Variants in SEMA6D observed in about 807,000 individuals in gnomAD.
The protein encoded by SEMA6D is semaphorin 6D.
SEMA6D carries 35 observed loss-of-function variants against 106.6 expected under a neutral mutation model. That is an observed-to-expected ratio of 0.33 (90% CI 0.25 to 0.44). The LOEUF (loss-of-function observed/expected upper bound fraction) is 0.44, where lower values mean the gene tolerates loss of function less well. Ranked by LOEUF, SEMA6D falls within the 20% of genes least tolerant of loss-of-function variation. The pLI is 1.00. For missense variants in SEMA6D, 1,185 were observed against 1,345.9 expected, an observed-to-expected ratio of 0.88 and a Z score of 1.87; for synonymous variants, 499 against 487.7, an observed-to-expected ratio of 1.02 and a Z score of -0.31.
At chr15:47,720,261 C>CTTTTTTT (rs869122623) in intron 1 of SEMA6D, among the ~76,000 whole-genome samples, 1 of 97,162 alleles carries the variant, frequency 1.0e-5, no homozygotes, top group Admixed American at 1.2e-4. Flanking sequence ...AATAACCTTT[C>CTTTTTTT]TTTTTTTTTT....
intron 1 of SEMA6D, among the ~76,000 whole-genome samples, chr15:47,747,006 C>T (rs1303070650): frequency 9.2e-5 from 6 of 65,022 alleles, no homozygotes; most frequent in South Asian, 6.0e-4. Context: ...ATATATATTT[C>T]GATTGTAGAA....
intron 3 of SEMA6D, among the ~76,000 whole-genome samples, chr15:47,491,352 A>G (rs180891979): frequency 8.3e-4 from 127 of 152,312 alleles, no homozygotes; most frequent in Admixed American, 2.6e-3. Context: ...ATTACAGACA[A>G]TGCAGATGAC....
intron 1 of SEMA6D, among the ~76,000 whole-genome samples, chr15:47,398,925 C>A (rs893805260): frequency 6.6e-6 from 1 of 152,138 alleles, no homozygotes; most frequent in Admixed American, 6.5e-5. Context: ...AGCGGCATAA[C>A]CTTGGTCAAG....
At chr15:47,533,280 A>G (rs2045037654) in intron 3 of SEMA6D, among the ~76,000 whole-genome samples, 1 of 152,238 alleles carries the variant, frequency 6.6e-6, no homozygotes, top group Non-Finnish European at 1.5e-5. Context: ...GTGTAAACCA[A>G]TAAACCCAAC....
At chr15:47,356,390 A>G (rs964886506) in intron 1 of SEMA6D, among the ~76,000 whole-genome samples, 1 of 152,216 alleles carries the variant, frequency 6.6e-6, no homozygotes, top group South Asian at 2.1e-4. Flanking sequence ...AAACATGAGA[A>G]GTGCCCCACA....
At chr15:47,323,342 G>A (rs1330024094) in intron 1 of SEMA6D, among the ~76,000 whole-genome samples, 1 of 152,154 alleles carries the variant, frequency 6.6e-6, no homozygotes, top group Non-Finnish European at 1.5e-5. Context: ...GTGAACACCG[G>A]AGAATGAGTA....
chr15:47,608,764 A>G (rs529255096), intron 4 of SEMA6D, among the ~76,000 whole-genome samples: 1 of 152,320 alleles, frequency 6.6e-6, no homozygotes, highest in South Asian at 2.1e-4. Flanking sequence ...AAGTATATGT[A>G]TTTAAATCAT....
intron 4 of SEMA6D, among the ~76,000 whole-genome samples, chr15:47,613,284 T>A (rs2076946724): frequency 6.6e-6 from 1 of 152,230 alleles, no homozygotes; most frequent in African/African-American, 2.4e-5. Flanking sequence ...AGGTTACATT[T>A]TAAGTTTCCA....
rs563194175 is a variant in SEMA6D at position 47,255,910 on chromosome 15, A to G, written c.-239+71492A>G. Among the ~76,000 whole-genome samples the G allele has an allele frequency of 7.9e-5, 12 of 152,292 alleles. No homozygotes were observed. The South Asian group carries it at 2.1e-3, about 26-fold the overall frequency. On this transcript the variant is annotated intron_variant, in intron 1 of 19. Transcript: ENST00000558014. ...GAGGTTCAAAATGAACCTGTTACCA[A>G]TGGATATCCAGTTGCTCCAGCAGCC... is the stretch of plus-strand genomic sequence containing the variant.
intron 1 of SEMA6D, among the ~76,000 whole-genome samples, chr15:47,294,643 G>C (rs2089652297): frequency 6.6e-6 from 1 of 152,152 alleles, no homozygotes; most frequent in Non-Finnish European, 1.5e-5. Context: ...ATAATGAAAT[G>C]ATTCTGTCTT....
intron 1 of SEMA6D, among the ~76,000 whole-genome samples, chr15:47,237,116 A>G (rs541662549): frequency 6.6e-6 from 1 of 152,302 alleles, no homozygotes; most frequent in South Asian, 2.1e-4. Context: ...TAGCACACCA[A>G]TAGGAATAAG....
chr15:47,721,194 G>A (rs2079403161), intron 1 of SEMA6D, among the ~76,000 whole-genome samples: 1 of 152,190 alleles, frequency 6.6e-6, no homozygotes, highest in Admixed American at 6.5e-5. Flanking sequence ...CTTTTGACAA[G>A]AAATGTAGAT....
intron 3 of SEMA6D, among the ~76,000 whole-genome samples, chr15:47,514,280 G>C (rs2044320405): frequency 6.6e-6 from 1 of 152,158 alleles, no homozygotes; most frequent in Admixed American, 6.5e-5. Context: ...GCCACGATTG[G>C]TCTATTCTTT....
chr15:47,380,634 T>C (rs776100619), intron 1 of SEMA6D: 1 of 152,184 alleles, frequency 6.6e-6, no homozygotes, highest in Non-Finnish European at 1.5e-5. Context: ...TTTAGGAACA[T>C]ACACAAGCGA....
intron 1 of SEMA6D, among the ~76,000 whole-genome samples, chr15:47,192,993 A>G (rs751264900): frequency 7.2e-5 from 11 of 152,210 alleles, no homozygotes; most frequent in Non-Finnish European, 1.3e-4. Context: ...CTCCACTGCT[A>G]TCCTTCTGGT....
At chr15:47,635,077 G>A (rs1459955134) in intron 4 of SEMA6D, among the ~76,000 whole-genome samples, 1 of 152,120 alleles carries the variant, frequency 6.6e-6, no homozygotes. Context: ...GAAATAATCA[G>A]GAAACCAGAG....
intron 3 of SEMA6D, among the ~76,000 whole-genome samples, chr15:47,511,996 G>A (rs976017899): frequency 1.3e-5 from 2 of 152,196 alleles, no homozygotes; most frequent in African/African-American, 4.8e-5. Context: ...AGTGTTTGAG[G>A]TTAGGCATAT....
intron 1 of SEMA6D, among the ~76,000 whole-genome samples, chr15:47,273,274 G>A (rs2034643059): frequency 6.7e-6 from 1 of 149,482 alleles, no homozygotes. Context: ...CACCACAGAA[G>A]TCTTTTGTAC....
At chr15:47,619,139 G>C (rs1028950466) in intron 4 of SEMA6D, among the ~76,000 whole-genome samples, 24 of 152,156 alleles carry the variant, frequency 1.6e-4, no homozygotes, top group Middle Eastern at 3.4e-3. Flanking sequence ...GGCAGAAAGA[G>C]CCAAACCACT....
Sources: allele counts gnomAD v4.1 joint callset (sites outside exome capture counted in the v4.1 genomes callset), GRCh38; gene constraint gnomAD v4.1.1; transcripts MANE v1.5; gene names NCBI Gene and HGNC (gene_info 2026-07-23, HGNC 2026-07-21).